Variants in LINGO2 observed in about 807,000 individuals in gnomAD.
LINGO2 encodes the protein leucine rich repeat and Ig domain containing 2, also known as leucine-rich repeat and immunoglobulin-like domain-containing nogo receptor-interacting protein 2.
In LINGO2, 14 loss-of-function variants were observed where a neutral mutation model predicts 30.6. The ratio of observed to expected loss-of-function variants is 0.46; its 90% CI spans 0.30 to 0.72. The LOEUF is 0.72. LINGO2 is among the 30% of genes least tolerant of loss of function. The pLI is 0.07. For missense variants in LINGO2, 729 were observed against 751.7 expected (o/e 0.97, Z 0.35); for synonymous variants, 317 against 288.5 (o/e 1.10, Z -1.00).
chr9:28,279,885 C>T lies in LINGO2; in HGVS notation c.-87+15323G>A, dbSNP rs535102495. On this transcript the variant is annotated intron_variant, in intron 4 of 5. Coordinates refer to ENST00000379992, the Ensembl canonical transcript of LINGO2. ...AAACAGTTTTAGAATACACCATATTCATATAATTTATGGTGTTCCTTTTAG... is the reference window on the plus strand; with the variant it reads ...AAACAGTTTTAGAATACACCATATTTATATAATTTATGGTGTTCCTTTTAG... Among the ~76,000 whole-genome samples the T allele has an allele frequency of 1.1e-4, 17 of 152,244 alleles. No individual in the cohort carries two copies. In the East Asian group the frequency reaches 3.1e-3, roughly 28 times the overall value.
At chr9:28,650,331 G>A (rs573310307) in intron 1 of LINGO2, among the ~76,000 whole-genome samples, 2 of 152,228 alleles carry the variant, frequency 1.3e-5, no homozygotes, top group South Asian at 2.1e-4. Context: ...CATTCAGAGA[G>A]CTCAGCCACA....
the LINGO2 span, among the ~76,000 whole-genome samples, chr9:28,974,982 T>C: frequency 4.6e-5 from 7 of 152,076 alleles, no homozygotes; most frequent in African/African-American, 1.7e-4. Context: ...GTAACCTCAA[T>C]GAGTAATTTG....
chr9:28,035,508 A>G (rs1416399433), intron 4 of LINGO2, among the ~76,000 whole-genome samples: 1 of 152,222 alleles, frequency 6.6e-6, no homozygotes, highest in Admixed American at 6.5e-5. Flanking sequence ...AACTGAAATG[A>G]AATAGTCGAA....
intron 4 of LINGO2, among the ~76,000 whole-genome samples, chr9:28,174,770 C>A (rs1044417675): frequency 6.6e-6 from 1 of 152,130 alleles, no homozygotes; most frequent in Non-Finnish European, 1.5e-5. Flanking sequence ...ATATATTATA[C>A]ATCGAATCCA....
intron 4 of LINGO2, among the ~76,000 whole-genome samples, chr9:28,157,321 T>A (rs560924317): frequency 1.3e-5 from 2 of 152,190 alleles, no homozygotes; most frequent in African/African-American, 2.4e-5. Context: ...GAAGCCATGG[T>A]CCAAGCTCTA....
the LINGO2 span, among the ~76,000 whole-genome samples, chr9:28,927,083 A>G: frequency 6.6e-6 from 1 of 152,166 alleles, no homozygotes. Context: ...TGTCTTTCAA[A>G]CTGGATTGTA....
At chr9:28,030,347 T>C (rs906649891) in intron 4 of LINGO2, among the ~76,000 whole-genome samples, 1 of 152,194 alleles carries the variant, frequency 6.6e-6, no homozygotes, top group Non-Finnish European at 1.5e-5. Flanking sequence ...CAATGTAGTT[T>C]TTATTAATAA....
chr9:28,021,277 AGT>A (rs1563918944), intron 4 of LINGO2, among the ~76,000 whole-genome samples: 1 of 152,198 alleles, frequency 6.6e-6, no homozygotes, highest in East Asian at 1.9e-4. Flanking sequence ...GTTATGTACA[AGT>A]GTCTTTTAAT....
chr9:28,616,436 G>A (rs1826134802), intron 1 of LINGO2, among the ~76,000 whole-genome samples: 1 of 152,108 alleles, frequency 6.6e-6, no homozygotes, highest in South Asian at 2.1e-4. Flanking sequence ...GAAGTGATGT[G>A]TCTGAAGGTG....
intron 4 of LINGO2, among the ~76,000 whole-genome samples, chr9:28,171,580 T>C (rs188201383): frequency 3.0e-4 from 45 of 152,228 alleles, no homozygotes; most frequent in Admixed American, 6.5e-4. Flanking sequence ...TCTAGCACCA[T>C]GGGATTTACA....
At chr9:28,336,514 C>G (rs769634009) in intron 3 of LINGO2, among the ~76,000 whole-genome samples, 1 of 152,092 alleles carries the variant, frequency 6.6e-6, no homozygotes, top group Admixed American at 6.6e-5. Context: ...ACTTTCTATA[C>G]ATCCTTTCCA....
intron 1 of LINGO2, among the ~76,000 whole-genome samples, chr9:28,574,891 C>T (rs1823879001): frequency 6.6e-6 from 1 of 152,142 alleles, no homozygotes; most frequent in Admixed American, 6.5e-5. Flanking sequence ...TCTTTAAACC[C>T]TGTTTTTCAA....
chr9:28,293,767 T>C (rs1823825519), intron 4 of LINGO2, among the ~76,000 whole-genome samples: 1 of 152,216 alleles, frequency 6.6e-6, no homozygotes, highest in Non-Finnish European at 1.5e-5. Context: ...AATTCTGAAA[T>C]AAAAATAATT....
At chr9:29,023,922 T>C in the LINGO2 span, among the ~76,000 whole-genome samples, 1 of 152,276 alleles carries the variant, frequency 6.6e-6, no homozygotes, top group East Asian at 1.9e-4. Flanking sequence ...CTATGTTTCC[T>C]ATGAAGCACT....
chr9:28,820,053 G>C, the LINGO2 span, among the ~76,000 whole-genome samples: 3,693 of 152,198 alleles, frequency 0.024, 155 homozygotes, highest in African/African-American at 0.083. Context: ...GATATGTACA[G>C]GGACCATGTT....
At chr9:28,214,529 A>G (rs1346155200) in intron 4 of LINGO2, among the ~76,000 whole-genome samples, 4 of 151,640 alleles carry the variant, frequency 2.6e-5, no homozygotes, top group Non-Finnish European at 4.4e-5. Flanking sequence ...CCAACTCCAT[A>G]TGAATGACAA....
chr9:28,013,835 G>A (rs1440993968), intron 4 of LINGO2, among the ~76,000 whole-genome samples: 4 of 152,136 alleles, frequency 2.6e-5, no homozygotes, highest in South Asian at 4.1e-4. Flanking sequence ...GAAATTGGAA[G>A]ATGATAGGGT....
At chr9:28,783,816 G>A in the LINGO2 span, among the ~76,000 whole-genome samples, 4 of 152,164 alleles carry the variant, frequency 2.6e-5, no homozygotes, top group African/African-American at 9.7e-5. Context: ...ATTTCTCAGA[G>A]CTCTGGAAGC....
At chr9:28,761,074 G>C in the LINGO2 span, among the ~76,000 whole-genome samples, 1 of 151,758 alleles carries the variant, frequency 6.6e-6, no homozygotes, top group Non-Finnish European at 1.5e-5. Flanking sequence ...GAACATGCCT[G>C]TGCAAGTATC....
Sources: gnomAD v4.1 joint callset for allele counts (sites outside exome capture counted in the v4.1 genomes callset) on GRCh38, gnomAD v4.1.1 for gene constraint, MANE v1.5 for transcripts, NCBI Gene and HGNC (gene_info 2026-07-23, HGNC 2026-07-21) for gene names.